The following GZMK variants were observed in gnomAD, a reference collection of about 807,000 sequenced individuals.
GZMK encodes granzyme K.
Under a neutral mutation model 22.8 loss-of-function variants are expected in GZMK, and 18 were observed. That is an observed-to-expected ratio of 0.79 (90% CI 0.54 to 1.17). The LOEUF is 1.17. Among genes scored for constraint, GZMK ranks in the 50% most tolerant of loss-of-function variants. GZMK has a pLI of 0.00. For synonymous variants in GZMK, 136 were observed against 115.0 expected (o/e 1.18, Z -1.17); for missense variants, 342 against 320.2 (o/e 1.07, Z -0.52).
In GZMK at chr5:55,031,346, C is replaced by CT. The variant is rs759077808; in HGVS notation, c.364-12dup. On this transcript the variant is annotated splice_polypyrimidine_tract_variant and intron_variant, in intron 3 of 4. Coordinates refer to ENST00000231009, the MANE Select transcript of GZMK (RefSeq NM_002104.3). ...ACTACTGGGAAAGAAATAATTCCAT[C>CT]TTTTTTCAATCTGTCAGCTTCAAAC... 1 of 1,605,154 alleles carries CT rather than the reference C, an allele frequency of 6.2e-7. No homozygotes were observed.
At chr5:55,024,509 A>C in intron 1 of GZMK, 123 bp downstream of exon 1, 1 of 776,418 alleles carries the variant, frequency 1.3e-6, no homozygotes, top group Non-Finnish European at 2.1e-6. Context: ...TGTATTATAC[A>C]AATTTTTCAT....
chr5:55,032,345 T>C (rs914620506), intron 4 of GZMK: 3 of 152,122 alleles, frequency 2.0e-5, no homozygotes, highest in Admixed American at 2.0e-4. Flanking sequence ...CTTCCCAAAA[T>C]CACCACCTCC....
At chr5:55,027,963 C>G (rs183637802) in intron 2 of GZMK, among the ~76,000 whole-genome samples, 1 of 152,108 alleles carries the variant, frequency 6.6e-6, no homozygotes, top group Non-Finnish European at 1.5e-5. Context: ...ATTCCAGGTA[C>G]CCTGTGGGCA....
In GZMK at chr5:55,033,795, G is replaced by A; in HGVS notation, c.664G>A (p.Gly222Ser). 6.2e-7 allele frequency: 1 copy of A among 1,612,950 alleles called. No individual in the cohort carries two copies. The highest frequency in any genetic ancestry group is 2.2e-5 in the East Asian group (1 of 44,806). The change falls in exon 5 of 5, where the codon GGT becomes AGT. Residue 222 changes from glycine (G) to serine (S), a missense_variant. Transcript: ENST00000231009. ...CTCAGGGGGCCCCTTGATCTGTAAAGGTGTCTTCCACGCTATAGTCTCTGG... is the reference window on the plus strand; with the variant it reads ...CTCAGGGGGCCCCTTGATCTGTAAAAGTGTCTTCCACGCTATAGTCTCTGG... ...GDSGGPLICKGVFHAIVSGGH... is the reference protein window; with the variant it reads ...GDSGGPLICKSVFHAIVSGGH...
intron 2 of GZMK, chr5:55,026,702 C>G (rs1337597317): frequency 1.3e-5 from 2 of 152,176 alleles, no homozygotes; most frequent in African/African-American, 4.8e-5. Context: ...GGGAGTGCTC[C>G]CTTCTCACCA....
rs374687658 is a variant in GZMK at position 55,033,789 on chromosome 5, T to G, written c.658T>G (p.Cys220Gly). 1 of 1,609,840 alleles carries G rather than the reference T, an allele frequency of 6.2e-7. No homozygotes were observed. Among genetic ancestry groups the G allele is most frequent in the Non-Finnish European group, 8.5e-7 (1 of 1,178,774 alleles). The change falls in exon 5 of 5, where the codon TGT becomes GGT. Residue 220 changes from cysteine to glycine, a missense_variant. Cys to Gly is a radical substitution (Grantham distance 159). Transcript: ENST00000231009. ...GGGTGACTCAGGGGGCCCCTTGATC[T>G]GTAAAGGTGTCTTCCACGCTATAGT... ...CKGDSGGPLI[C>G]KGVFHAIVSG...
rs747244335 is a variant in GZMK, at chr5:55,031,440, C to A, written c.440C>A (p.Thr147Asn). The change falls in exon 4 of 5, where the codon ACC becomes AAC. Residue 147 changes from threonine to asparagine, a missense_variant. Thr to Asn is a moderately conservative substitution (Grantham distance 65). Coordinates refer to ENST00000231009, the MANE Select transcript of GZMK (RefSeq NM_002104.3). ...IRSKTSLRSG[T>N]KCKVTGWGAT... ...TCCAAAACCTCTCTTAGATCTGGAA[C>A]CAAATGCAAGGTTACTGGCTGGGGA... 6.2e-7 allele frequency: 1 copy of A among 1,613,656 alleles called. No individual in the cohort carries two copies. The highest frequency in any genetic ancestry group is 1.1e-5 in the South Asian group (1 of 91,072).
intron 2 of GZMK, among the ~76,000 whole-genome samples, chr5:55,029,709 T>A (rs1222405092): frequency 6.6e-5 from 10 of 152,168 alleles, no homozygotes; most frequent in Non-Finnish European, 4.4e-5. Context: ...ATGCCCAGCA[T>A]GCACCAGTGT....
chr5:55,024,671 G>A lies in GZMK; in HGVS notation c.76G>A (p.Glu26Lys). ...GTCTACTTTTGTAGGTTTCAATATG[G>A]AAATTATTGGAGGGAAAGAAGTGTC... ...AYMTHVCFNM[E>K]IIGGKEVSPH... The change falls in exon 2 of 5, where the codon GAA becomes AAA. Residue 26 changes from glutamate to lysine, a missense_variant. By Grantham distance (56) the Glu-to-Lys change is moderately conservative. Transcript: ENST00000231009. The A allele has an allele frequency of 1.2e-6, 2 of 1,606,674 alleles. No homozygotes were observed. The highest frequency in any genetic ancestry group is 3.4e-5 in the Admixed American group (2 of 59,586).
intron 2 of GZMK, among the ~76,000 whole-genome samples, chr5:55,029,280 C>A (rs898437336): frequency 5.3e-5 from 8 of 151,988 alleles, no homozygotes; most frequent in Non-Finnish European, 7.4e-5. Context: ...AAACCTATTT[C>A]TTCACCTCAC....
intron 2 of GZMK, chr5:55,025,010 C>T (rs1716007143): frequency 1.2e-5 from 5 of 423,264 alleles, no homozygotes; most frequent in Non-Finnish European, 2.1e-5. Flanking sequence ...AGCTGCTTTT[C>T]CCAGGCAAGA....
intron 2 of GZMK, among the ~76,000 whole-genome samples, chr5:55,029,118 C>T (rs1163133745): frequency 3.3e-5 from 5 of 152,028 alleles, no homozygotes; most frequent in Non-Finnish European, 7.4e-5. Flanking sequence ...GCCTGTAGTC[C>T]CAGCCTCTCG....
chr5:55,029,787 C>A (rs10214120), intron 2 of GZMK, among the ~76,000 whole-genome samples: 1 of 152,034 alleles, frequency 6.6e-6, no homozygotes, highest in African/African-American at 2.4e-5. Context: ...AACTCCTGGC[C>A]TCAAATGATC....
At position 55,033,796 on chromosome 5, in the gene GZMK, G is replaced by C; in HGVS notation, c.665G>C (p.Gly222Ala). 3.1e-6 allele frequency: 5 copies of C among 1,612,946 alleles called. No individual in the cohort carries two copies. The highest frequency in any genetic ancestry group is 4.2e-6 in the Non-Finnish European group (5 of 1,179,620). ...GDSGGPLICK[G>A]VFHAIVSGGH... is the part of the protein sequence containing the mutation. ...TCAGGGGGCCCCTTGATCTGTAAAG[G>C]TGTCTTCCACGCTATAGTCTCTGGA... The change falls in exon 5 of 5, where the codon GGT (glycine) becomes GCT (alanine). Residue 222 changes from glycine (G) to alanine (A), a missense_variant. By Grantham distance (60) the Gly-to-Ala change is moderately conservative. Coordinates refer to ENST00000231009, the MANE Select transcript of GZMK (RefSeq NM_002104.3).
Position 55,031,487 on chromosome 5 carries a change from A to C in GZMK, c.487A>C (p.Arg163=), listed in dbSNP as rs1741232019. The C allele has an allele frequency of 6.2e-7, 1 of 1,614,234 alleles. No individual in the cohort carries two copies. The highest frequency in any genetic ancestry group is 8.5e-7 in the Non-Finnish European group (1 of 1,180,028). The stretch of plus-strand genomic sequence containing the variant: ...GGGAGCCACCGATCCAGATTCATTA[A>C]GACCTTCTGACACCCTGCGAGAAGT... ...GWGATDPDSL[R]PSDTLREVTV... The change falls in exon 4 of 5, where the codon AGA becomes CGA. Residue 163 remains arginine, a synonymous_variant. Transcript: ENST00000231009.
At chr5:55,024,862 A>G in intron 2 of GZMK, 55 bp downstream of exon 2, 1 of 1,212,136 alleles carries the variant, frequency 8.2e-7, no homozygotes, top group Admixed American at 2.1e-5. Context: ...TATTATAGGT[A>G]CAAGAGAAGC....
At chr5:55,030,301 C>T (rs1232756482) in intron 2 of GZMK, 133 bp from the exon 3 acceptor site, 13 of 760,998 alleles carry the variant, frequency 1.7e-5, no homozygotes, top group Non-Finnish European at 2.6e-5. Context: ...TTTGTCACTC[C>T]ACCTAATCTT....
Position 55,033,761 on chromosome 5 carries a change from C to T in GZMK, c.634-4C>T. ...CACGTATTTGCCCTTTTTCTTCCTTCCAGGGTGACTCAGGGGGCCCCTTGA... is the reference window on the plus strand; with the variant it reads ...CACGTATTTGCCCTTTTTCTTCCTTTCAGGGTGACTCAGGGGGCCCCTTGA... On this transcript the variant is annotated splice_region_variant and splice_polypyrimidine_tract_variant and intron_variant, in intron 4 of 4. Transcript: ENST00000231009. 6.3e-7 allele frequency: 1 copy of T among 1,590,990 alleles called. No individual in the cohort carries two copies. The highest frequency in any genetic ancestry group is 8.5e-7 in the Non-Finnish European group (1 of 1,173,420).
intron 4 of GZMK, among the ~76,000 whole-genome samples, chr5:55,033,006 A>G (rs1217493649): frequency 6.6e-6 from 1 of 152,232 alleles, no homozygotes; most frequent in Non-Finnish European, 1.5e-5. Flanking sequence ...TGACCAAAGT[A>G]TAAGGCACTG....
Sources: allele counts gnomAD v4.1 joint callset (sites outside exome capture counted in the v4.1 genomes callset), GRCh38; gene constraint gnomAD v4.1.1; transcripts MANE v1.5; gene names NCBI Gene and HGNC (gene_info 2026-07-23, HGNC 2026-07-21).